TNRC6A: variants seen among roughly 807,000 people sequenced by gnomAD.
TNRC6A encodes the protein trinucleotide repeat containing adaptor 6A, also known as trinucleotide repeat-containing gene 6A protein.
A neutral mutation model predicts 221.2 loss-of-function variants in TNRC6A; 44 were observed. That is an observed-to-expected ratio of 0.20 (90% confidence interval 0.16 to 0.26). TNRC6A has a LOEUF of 0.26. Ranked by LOEUF, TNRC6A falls within the 10% of genes least tolerant of loss-of-function variation. The pLI is 1.00. For synonymous variants in TNRC6A, 847 were observed against 838.5 expected (o/e 1.01, Z -0.18); for missense variants, 2,199 against 2,404.4 (o/e 0.91, Z 1.79).
At chr16:24,625,780 C>T (rs1052248680) in intron 1 of TNRC6A, among the ~76,000 whole-genome samples, 6 of 147,904 alleles carry the variant, frequency 4.1e-5, no homozygotes, top group African/African-American at 7.5e-5. Flanking sequence ...GGGGTGGTGG[C>T]GGGCGCTTGT....
In TNRC6A at chr16:24,789,540, A is replaced by C. The variant is rs769328453; in HGVS notation, c.898A>C (p.Ser300Arg). 6.2e-7 allele frequency: 1 copy of C among 1,614,206 alleles called. No individual in the cohort carries two copies. Among genetic ancestry groups the C allele is most frequent in the South Asian group, 1.1e-5 (1 of 91,086 alleles). ...GSQNKFVVGS[S>R]SNNVGHGSST... is the part of the protein sequence containing the mutation. ...CCAAAACAAGTTTGTAGTTGGTAGC[A>C]GCAGCAATAATGTGGGCCATGGAAG... is the stretch of plus-strand genomic sequence containing the variant. The change falls in exon 6 of 25, where the codon AGC (serine) becomes CGC (arginine). Residue 300 changes from serine to arginine, a missense_variant. This residue lies in a region of TNRC6A where 1,405 missense variants were observed against 1,400.2 expected (regional missense o/e 1.00). Transcript: ENST00000395799.
intron 2 of TNRC6A, among the ~76,000 whole-genome samples, chr16:24,743,300 C>T (rs914994189): frequency 2.6e-5 from 4 of 152,026 alleles, no homozygotes; most frequent in African/African-American, 9.7e-5. Flanking sequence ...ACTAACTTTC[C>T]TCAATCTGAG....
At chr16:24,675,539 G>A (rs367723031) in intron 2 of TNRC6A, among the ~76,000 whole-genome samples, 1 of 151,162 alleles carries the variant, frequency 6.6e-6, no homozygotes, top group African/African-American at 2.4e-5. Flanking sequence ...AAATTAGCTG[G>A]GCATGGTGGT....
At position 24,790,257 on chromosome 16, in the gene TNRC6A, G is replaced by A. The variant is rs755616536; in HGVS notation, c.1615G>A (p.Gly539Ser). The A allele has an allele frequency of 1.9e-6, 3 of 1,614,198 alleles. No homozygotes were observed. The highest frequency in any genetic ancestry group is 2.5e-6 in the Non-Finnish European group (3 of 1,180,036). ...TGGAGACAAATGTTCAGGCCCTAAT[G>A]GCCAAGCTAATGGTGACACTGTGAA... ...YSGDKCSGPN[G>S]QANGDTVNAT... Residue 539 changes from glycine (G) to serine (S), a missense_variant, in exon 6 of 25, where the codon GGC (glycine) becomes AGC (serine). Gly to Ser is a moderately conservative substitution (Grantham distance 56, BLOSUM62 0). This residue lies in a region of TNRC6A where 1,405 missense variants were observed against 1,400.2 expected (regional missense o/e 1.00). Transcript: ENST00000395799.
chr16:24,648,485 T>A lies in TNRC6A; in HGVS notation n.402+7476T>A, dbSNP rs183133541. On this transcript the variant is annotated intron_variant and non_coding_transcript_variant, in intron 2 of 2. Coordinates refer to the TNRC6A transcript ENST00000566108. ...CGGGGTTTCACCGTGTTAGCCAGGA[T>A]GGTCTCGATCTCCTGACCTCATGAT... is the stretch of plus-strand genomic sequence containing the variant. 3.5e-3 allele frequency among the ~76,000 whole-genome samples: 534 copies of A among 152,002 alleles called. 10 individuals carry two copies. Among genetic ancestry groups the A allele is most frequent in the Admixed American group, 0.026 (398 of 15,250 alleles).
intron 14 of TNRC6A, chr16:24,805,395 G>A (rs549313544): frequency 2.2e-6 from 2 of 900,328 alleles, no homozygotes; most frequent in African/African-American, 3.4e-5. Flanking sequence ...AAGTAAAATT[G>A]ACTAGTTTAA....
At chr16:24,666,561 G>A (rs2055166618) in intron 2 of TNRC6A, among the ~76,000 whole-genome samples, 1 of 136,076 alleles carries the variant, frequency 7.3e-6, no homozygotes, top group African/African-American at 2.7e-5. Context: ...GATCACTTGA[G>A]CCCCAGAGGT....
intron 2 of TNRC6A, among the ~76,000 whole-genome samples, chr16:24,731,193 TTTC>T (rs2056631928): frequency 6.6e-6 from 1 of 152,188 alleles, no homozygotes; most frequent in Non-Finnish European, 1.5e-5. Flanking sequence ...CGTGAATAGC[TTTC>T]TTTTTTTCTT....
intron 2 of TNRC6A, 61 bp downstream of exon 2, chr16:24,730,361 C>T: frequency 3.8e-6 from 6 of 1,573,118 alleles, no homozygotes; most frequent in Non-Finnish European, 5.2e-6. Context: ...TACTCCGATT[C>T]GCCTTTTCTG....
chr16:24,740,707 G>A (rs1168061956), intron 2 of TNRC6A, among the ~76,000 whole-genome samples: 3 of 152,062 alleles, frequency 2.0e-5, no homozygotes, highest in Non-Finnish European at 4.4e-5. Context: ...TGGTGGCATT[G>A]TCCATTCACA....
rs985733417 is a variant in TNRC6A at position 24,658,032 on chromosome 16, CA to C, written n.402+17028del. On this transcript the variant is annotated intron_variant and non_coding_transcript_variant, in intron 2 of 2. Coordinates refer to the TNRC6A transcript ENST00000566108. ...TTTTCAGGTTTTGATGTGGCTTTGACAAAAAGTATGAACATCTTTTATTTCT... is the reference window on the plus strand; with the variant it reads ...TTTTCAGGTTTTGATGTGGCTTTGACAAAAGTATGAACATCTTTTATTTCT... Among the ~76,000 whole-genome samples the C allele has an allele frequency of 7.2e-5, 11 of 152,052 alleles. 1 individual carries two copies. The highest frequency in any genetic ancestry group is 2.6e-4 in the Admixed American group (4 of 15,254).
At chr16:24,804,340 C>T (rs1331907869) in intron 12 of TNRC6A, 21 bp downstream of exon 12, 4 of 1,606,316 alleles carry the variant, frequency 2.5e-6, no homozygotes, top group Non-Finnish European at 3.4e-6. Context: ...TTACTTTTAC[C>T]TCTGACTTGA....
intron 8 of TNRC6A, chr16:24,795,577 A>G (rs1313574750): frequency 1.1e-5 from 3 of 281,536 alleles, no homozygotes; most frequent in Non-Finnish European, 2.0e-5. Context: ...GGACTAGGTA[A>G]CTGCCAAGGT....
At chr16:24,626,953 GTTT>G (rs374063274) in intron 1 of TNRC6A, among the ~76,000 whole-genome samples, 230 of 138,930 alleles carry the variant, frequency 1.7e-3, no homozygotes, top group African/African-American at 3.2e-3. Context: ...CGCCCAGCCT[GTTT>G]TTTTTTTTTT....
chr16:24,629,033 T>A (rs753772450), intron 1 of TNRC6A, among the ~76,000 whole-genome samples: 2 of 152,214 alleles, frequency 1.3e-5, no homozygotes, highest in Non-Finnish European at 2.9e-5. Flanking sequence ...TGCAATTTAT[T>A]AAAGTTGTAA....
chr16:24,797,790 G>GA, intron 10 of TNRC6A, 125 bp from the exon 11 acceptor site: 1 of 926,662 alleles, frequency 1.1e-6, no homozygotes, highest in Non-Finnish European at 1.6e-6. Context: ...ATTAGGCAGT[G>GA]AAAAATGAAG....
At chr16:24,811,812 A>G (rs998879141) in intron 18 of TNRC6A, among the ~76,000 whole-genome samples, 1 of 151,812 alleles carries the variant, frequency 6.6e-6, no homozygotes, top group African/African-American at 2.4e-5. Flanking sequence ...GTAAAATGAT[A>G]TTTTTGTGAC....
chr16:24,743,090 C>T (rs2056925961), intron 2 of TNRC6A, among the ~76,000 whole-genome samples: 1 of 152,254 alleles, frequency 6.6e-6, no homozygotes, highest in Admixed American at 6.5e-5. Flanking sequence ...TTGGGTCAGC[C>T]TTACCACAGC....
chr16:24,724,237 T>G (rs2056457028), intron 2 of TNRC6A, among the ~76,000 whole-genome samples: 1 of 150,342 alleles, frequency 6.7e-6, no homozygotes, highest in Admixed American at 6.7e-5. Context: ...GCAAATCATT[T>G]GAGTGTTTGT....
Sources: gnomAD v4.1 joint callset for allele counts (sites outside exome capture counted in the v4.1 genomes callset) on GRCh38, gnomAD v4.1.1 for gene constraint, gnomAD v4.1.1 regional missense constraint, MANE v1.5 for transcripts, NCBI Gene and HGNC (gene_info 2026-07-23, HGNC 2026-07-21) for gene names.